Variants in UTRN observed in about 807,000 individuals in gnomAD.
The protein encoded by UTRN is utrophin, also known as dystrophin-related protein 1.
A neutral mutation model predicts 463.9 loss-of-function variants in UTRN; 283 were observed. That is an observed-to-expected ratio of 0.61 (90% CI 0.55 to 0.67). The LOEUF (loss-of-function observed/expected upper bound fraction) is 0.67. UTRN is among the 30% of genes least tolerant of loss of function. The pLI is 0.00. For missense variants in UTRN, 3,922 were observed against 4,084.3 expected (o/e 0.96, Z 1.08); for synonymous variants, 1,442 against 1,431.5 (o/e 1.01, Z -0.17).
At chr6:144,530,348 G>A (rs757386245) in intron 41 of UTRN, among the ~76,000 whole-genome samples, 1 of 152,162 alleles carries the variant, frequency 6.6e-6, no homozygotes, top group Non-Finnish European at 1.5e-5. Context: ...TTTCAGACTA[G>A]AGCCCCACAC....
intron 33 of UTRN, 123 bp from the exon 34 acceptor site, chr6:144,499,134 G>A (rs1028692102): frequency 8.6e-6 from 9 of 1,042,436 alleles, no homozygotes; most frequent in African/African-American, 8.0e-5. Flanking sequence ...TAAGACAAAG[G>A]TTATGTATGT....
At chr6:144,324,018 G>C (rs943576829) in intron 2 of UTRN, among the ~76,000 whole-genome samples, 1 of 152,116 alleles carries the variant, frequency 6.6e-6, no homozygotes, top group Non-Finnish European at 1.5e-5. Flanking sequence ...TTTCCTTTCA[G>C]CCAGGATGAG....
intron 25 of UTRN, among the ~76,000 whole-genome samples, chr6:144,477,516 C>T (rs1313434024): frequency 6.7e-6 from 1 of 150,100 alleles, no homozygotes; most frequent in Non-Finnish European, 1.5e-5. Flanking sequence ...CTTTCTCTCT[C>T]TCTGCCTTTC....
chr6:144,732,277 TACAC>T (rs1291563673), intron 54 of UTRN, among the ~76,000 whole-genome samples: 7 of 88,724 alleles, frequency 7.9e-5, no homozygotes, highest in African/African-American at 3.0e-4. Context: ...TATATATATA[TACAC>T]ACATATATAT....
chr6:144,472,285 C>T (rs1376156155), intron 23 of UTRN, among the ~76,000 whole-genome samples: 3 of 151,426 alleles, frequency 2.0e-5, no homozygotes, highest in African/African-American at 7.3e-5. Flanking sequence ...TGCCCAGACT[C>T]ATTTCCTTTA....
In UTRN at chr6:144,732,655, CATGTTATGTTATGTTATGTTATGTT is replaced by C. The variant is rs57770911; in HGVS notation, c.7939+2217_7939+2241del. On this transcript the variant is annotated intron_variant, in intron 54 of 74. Coordinates refer to ENST00000367545, the MANE Select transcript of UTRN (RefSeq NM_007124.3). ...TGACATTTATTGTTTCATTTTATGT[CATGTTATGTTATGTTATGTTATGTT>C]ATGTTATGTTATGTTATGTTATGTT... Among the ~76,000 whole-genome samples, 383 of 126,326 alleles carry C rather than the reference CATGTTATGTTATGTTATGTTATGTT, an allele frequency of 3.0e-3. 1 individual carries two copies. The highest frequency in any genetic ancestry group is 4.5e-3 in the Non-Finnish European group (269 of 60,138). The allele number at this position is 126,326 out of a possible 152,430, so 82.9% of individuals were successfully genotyped here. A position where few individuals can be genotyped will look rare whatever the true frequency, so the allele number is the denominator to read the frequency against.
chr6:144,715,637 A>G (rs1786327476), intron 53 of UTRN, among the ~76,000 whole-genome samples: 1 of 149,416 alleles, frequency 6.7e-6, no homozygotes, highest in African/African-American at 2.5e-5. Context: ...CAACTTCTCT[A>G]CTTGAACTGC....
At chr6:144,443,710 G>T (rs1787389388) in intron 13 of UTRN, among the ~76,000 whole-genome samples, 1 of 151,524 alleles carries the variant, frequency 6.6e-6, no homozygotes, top group African/African-American at 2.4e-5. Flanking sequence ...GTAACTTATG[G>T]GGAATTTTTT....
Position 144,601,463 on chromosome 6 carries a change from A to G in UTRN, c.7479+24175A>G, listed in dbSNP as rs190387696. The stretch of plus-strand genomic sequence containing the variant: ...GTTCAAGAGTTCAGTGAAGGAAATA[A>G]CTACAGCTGTGGTGGAAATGGCAAG... On this transcript the variant is annotated intron_variant, in intron 51 of 74. Transcript: ENST00000367545. Among the ~76,000 whole-genome samples the G allele has an allele frequency of 4.8e-4, 72 of 151,104 alleles. 2 individuals carry two copies. Among genetic ancestry groups the G allele is most frequent in the African/African-American group, 1.5e-3 (63 of 41,508 alleles).
intron 58 of UTRN, among the ~76,000 whole-genome samples, chr6:144,765,267 G>T (rs1423255453): frequency 6.6e-6 from 1 of 152,076 alleles, no homozygotes; most frequent in Non-Finnish European, 1.5e-5. Context: ...AATAAACTTT[G>T]TCTTATTGTT....
chr6:144,682,858 A>T (rs184461872), intron 52 of UTRN, among the ~76,000 whole-genome samples: 4 of 152,200 alleles, frequency 2.6e-5, no homozygotes, highest in African/African-American at 7.2e-5. Flanking sequence ...GGCACGTGGT[A>T]TGTGTTCAGT....
rs1275189246 is a variant in UTRN, at chr6:144,474,799, T to C, written c.3336+40T>C. 4.4e-6 allele frequency: 7 copies of C among 1,589,762 alleles called. No individual in the cohort carries two copies. In the Admixed American group the frequency reaches 9.0e-5, roughly 20 times the overall value. On this transcript the variant is annotated intron_variant, in intron 25 of 74. Coordinates refer to ENST00000367545, the MANE Select transcript of UTRN (RefSeq NM_007124.3). ...TTTACTACCTACGGTTTTCAGGAGA[T>C]GTAGACTGTAGCTTCTCTCAGCTGA...
chr6:144,774,746 G>A (rs1268910952), intron 60 of UTRN, among the ~76,000 whole-genome samples: 1 of 152,072 alleles, frequency 6.6e-6, no homozygotes. Context: ...TATATATAAA[G>A]AAACACTAAA....
At chr6:144,583,645 C>A (rs1364439690) in intron 51 of UTRN, 2 of 559,076 alleles carry the variant, frequency 3.6e-6, no homozygotes, top group Non-Finnish European at 6.7e-6. Flanking sequence ...TCTGACAGTT[C>A]TACTGTTTCT....
chr6:144,479,114 GTTTTTTTT>G (rs36044387), intron 25 of UTRN, among the ~76,000 whole-genome samples: 1 of 114,786 alleles, frequency 8.7e-6, no homozygotes, highest in African/African-American at 3.6e-5. Flanking sequence ...GCTTCTAGGG[GTTTTTTTT>G]TTTTTTTTTT....
At chr6:144,633,821 C>A (rs1391233140) in intron 51 of UTRN, among the ~76,000 whole-genome samples, 1 of 152,166 alleles carries the variant, frequency 6.6e-6, no homozygotes, top group Non-Finnish European at 1.5e-5. Flanking sequence ...TATTCAATCC[C>A]AGGAAACTGA....
chr6:144,730,336 C>G, intron 53 of UTRN, 21 bp from the exon 54 acceptor site: 1 of 1,559,416 alleles, frequency 6.4e-7, no homozygotes, highest in South Asian at 1.2e-5. Flanking sequence ...ACAAACTCAA[C>G]TTTTGCTTCT....
chr6:144,303,268 T>G (rs995123264), intron 2 of UTRN, among the ~76,000 whole-genome samples: 13 of 152,180 alleles, frequency 8.5e-5, no homozygotes, highest in African/African-American at 3.1e-4. Context: ...AAACTTCGCC[T>G]TTGTGGGATT....
chr6:144,748,178 T>C, intron 54 of UTRN, 68 bp from the exon 55 acceptor site: 3 of 1,510,130 alleles, frequency 2.0e-6, no homozygotes, highest in Non-Finnish European at 2.6e-6. Flanking sequence ...ATGGTAACAC[T>C]CACACTTGGC....
Sources: gnomAD v4.1 joint callset for allele counts (sites outside exome capture counted in the v4.1 genomes callset) on GRCh38, gnomAD v4.1.1 for gene constraint, MANE v1.5 for transcripts, NCBI Gene and HGNC (gene_info 2026-07-23, HGNC 2026-07-21) for gene names.